TRRAP: variants seen among roughly 807,000 people sequenced by gnomAD.
TRRAP encodes the protein transformation/transcription domain associated protein, also known as transformation/transcription domain-associated protein.
In TRRAP, 41 loss-of-function variants were observed where a neutral mutation model predicts 438.8. The observed-to-expected ratio is 0.09, with a 90% CI of 0.07 to 0.12. The LOEUF (loss-of-function observed/expected upper bound fraction) is 0.12. TRRAP is among the 10% of genes least tolerant of loss of function. TRRAP has a pLI of 1.00. For synonymous variants in TRRAP, 1,994 were observed against 1,962.9 expected (o/e 1.02, Z -0.42); for missense variants, 3,122 against 5,055.1 (o/e 0.62, Z 11.60).
intron 11 of TRRAP, among the ~76,000 whole-genome samples, chr7:98,903,112 C>T (rs145289602): frequency 9.1e-4 from 138 of 152,168 alleles, no homozygotes; most frequent in Non-Finnish European, 1.5e-3. Context: ...ACCTTCTCCT[C>T]CCAGGTTCAA....
At chr7:98,922,029 T>C in intron 21 of TRRAP, 76 bp downstream of exon 21, 9 of 1,579,806 alleles carry the variant, frequency 5.7e-6, no homozygotes, top group Non-Finnish European at 7.8e-6. Context: ...AAATGTTAAT[T>C]AGACCTGTGT....
At position 98,976,834 on chromosome 7, in the gene TRRAP, A is replaced by C; in HGVS notation, c.8247+64A>C. On this transcript the variant is annotated intron_variant, in intron 55 of 72. Coordinates refer to ENST00000456197, the MANE Select transcript of TRRAP (RefSeq NM_001375524.1). This position sits in a 1 kb window ranked among gnomAD's most constrained non-coding sequence, Gnocchi z 4.6. ...GCCAGTGACTTCACACTTTAAATAA[A>C]TACTCCTCCCAAATGATTTCAAATG... 1.2e-6 allele frequency: 2 copies of C among 1,600,442 alleles called. No homozygotes were observed. Among genetic ancestry groups the C allele is most frequent in the South Asian group, 1.1e-5 (1 of 89,834 alleles).
chr7:99,011,187 C>T lies in TRRAP; in HGVS notation c.11074C>T (p.Leu3692=). 6.2e-7 allele frequency: 1 copy of T among 1,614,170 alleles called. No individual in the cohort carries two copies. Among genetic ancestry groups the T allele is most frequent in the Non-Finnish European group, 8.5e-7 (1 of 1,180,042 alleles). Residue 3692 remains leucine, a synonymous_variant, in exon 71 of 73, where the codon CTG becomes TTG. Coordinates refer to ENST00000456197, the MANE Select transcript of TRRAP (RefSeq NM_001375524.1). The surrounding 1 kb of genome is among the most constrained non-coding windows in gnomAD (Gnocchi z 7.1). ...FRKMFTIQLA[L]IGFAEFVLHL... ...GAAGATGTTCACCATCCAGCTGGCTCTGATAGGCTTCGCGGAATTCGTCCT... is the reference window on the plus strand; with the variant it reads ...GAAGATGTTCACCATCCAGCTGGCTTTGATAGGCTTCGCGGAATTCGTCCT...
chr7:98,952,237 C>G (rs782385234), intron 39 of TRRAP, among the ~76,000 whole-genome samples: 1 of 152,180 alleles, frequency 6.6e-6, no homozygotes, highest in South Asian at 2.1e-4. Context: ...TCAAAGAAGG[C>G]ACATTTTTTT....
chr7:98,889,463 C>G (rs992951264), intron 3 of TRRAP, among the ~76,000 whole-genome samples: 2 of 151,898 alleles, frequency 1.3e-5, no homozygotes, highest in Admixed American at 6.6e-5. Flanking sequence ...GGTAACTGTC[C>G]AAAGTTTCTA....
chr7:98,988,057 A>G (rs1793229017), intron 62 of TRRAP, among the ~76,000 whole-genome samples: 1 of 152,100 alleles, frequency 6.6e-6, no homozygotes, highest in Non-Finnish European at 1.5e-5. Flanking sequence ...CTTGGTCATG[A>G]TGGATAATCC....
At position 99,005,381 on chromosome 7, in the gene TRRAP, C is replaced by T; in HGVS notation, c.10753+33C>T. The T allele has an allele frequency of 6.2e-7, 1 of 1,606,440 alleles. No homozygotes were observed. The highest frequency in any genetic ancestry group is 8.5e-7 in the Non-Finnish European group (1 of 1,173,826). On this transcript the variant is annotated intron_variant, in intron 69 of 72. Coordinates refer to ENST00000456197, the MANE Select transcript of TRRAP (RefSeq NM_001375524.1). This position sits in a 1 kb window ranked among gnomAD's most constrained non-coding sequence, Gnocchi z 5.1. ...TGAGAGCCACAGCTCGCTGGGTACA[C>T]AGGCAGCTTCACAGGTGGGGATGAG...
chr7:98,988,653 G>T, intron 62 of TRRAP, 112 bp from the exon 63 acceptor site: 1 of 1,305,578 alleles, frequency 7.7e-7, no homozygotes. Flanking sequence ...GCACAACATT[G>T]TGAATGGACC....
At chr7:98,959,210 G>A (rs1791768998) in intron 44 of TRRAP, 134 bp from the exon 45 acceptor site, 9 of 1,242,612 alleles carry the variant, frequency 7.2e-6, no homozygotes, top group South Asian at 5.9e-5. Context: ...GAGGTCAGGC[G>A]GAAGAGAGGT....
intron 3 of TRRAP, among the ~76,000 whole-genome samples, chr7:98,884,206 A>G (rs1320926166): frequency 6.6e-6 from 1 of 152,172 alleles, no homozygotes; most frequent in Non-Finnish European, 1.5e-5. Flanking sequence ...TAACATTGCT[A>G]GATGTATGGT....
chr7:98,974,302 C>T (rs1419548132), intron 53 of TRRAP, among the ~76,000 whole-genome samples: 2 of 152,192 alleles, frequency 1.3e-5, no homozygotes, highest in East Asian at 3.9e-4. Flanking sequence ...TGTTCTCCTT[C>T]CTGGAGCTCC....
chr7:98,924,658 C>T (rs1299079566), intron 21 of TRRAP, among the ~76,000 whole-genome samples: 7 of 133,044 alleles, frequency 5.3e-5, no homozygotes, highest in African/African-American at 1.9e-4. Flanking sequence ...CACTGCACTC[C>T]AGCCTGGGCG....
intron 8 of TRRAP, among the ~76,000 whole-genome samples, chr7:98,898,331 G>A (rs2074730): frequency 0.7 from 107,079 of 152,094 alleles, 42,251 homozygotes; most frequent in South Asian, 0.88. Flanking sequence ...CTCATTATCT[G>A]AAAAACCTGT....
intron 21 of TRRAP, among the ~76,000 whole-genome samples, chr7:98,922,283 C>T (rs1282102528): frequency 6.6e-6 from 1 of 152,226 alleles, no homozygotes; most frequent in East Asian, 1.9e-4. Flanking sequence ...TCTTCGCAGC[C>T]ACACGCAGTG....
chr7:98,969,849 C>T (rs1350283831), intron 51 of TRRAP, among the ~76,000 whole-genome samples: 2 of 152,116 alleles, frequency 1.3e-5, no homozygotes, highest in Non-Finnish European at 2.9e-5. Flanking sequence ...GCAGGAACCG[C>T]CTAGGTGTTC....
intron 30 of TRRAP, among the ~76,000 whole-genome samples, 181 bp downstream of exon 30, chr7:98,938,001 C>T (rs1790630805): frequency 6.6e-6 from 1 of 152,038 alleles, no homozygotes; most frequent in Non-Finnish European, 1.5e-5. Flanking sequence ...ATGGTGAAAC[C>T]CCTCTCTACT....
At chr7:98,889,555 T>TA (rs11364826) in intron 3 of TRRAP, among the ~76,000 whole-genome samples, 1 of 135,316 alleles carries the variant, frequency 7.4e-6, no homozygotes, top group African/African-American at 3.2e-5. Flanking sequence ...TTTTTTTTTT[T>TA]AAAAAAAATA....
In TRRAP at chr7:98,950,082, A is replaced by G. The variant is rs782197699; in HGVS notation, c.5154A>G (p.Ile1718Met). The G allele has an allele frequency of 3.1e-6, 5 of 1,614,252 alleles. No homozygotes were observed. Among genetic ancestry groups the G allele is most frequent in the Admixed American group, 1.7e-5 (1 of 60,030 alleles). Reference sequence around the variant, plus strand: ...CCTCCAGAAGGAATTACGGAGATATAGAATTGCTGTTCCAGCTGCTCCGAG... The same window carrying G: ...CCTCCAGAAGGAATTACGGAGATATGGAATTGCTGTTCCAGCTGCTCCGAG... ...LNYCKRNYGDIELLFQLLRAF... is the reference protein window; with the variant it reads ...LNYCKRNYGDMELLFQLLRAF... Residue 1718 changes from isoleucine (I) to methionine (M), a missense_variant, in exon 38 of 73, where the codon ATA becomes ATG. This residue lies in a region of TRRAP where 272 missense variants were observed against 348.5 expected (regional missense o/e 0.78). Coordinates refer to ENST00000456197, the MANE Select transcript of TRRAP (RefSeq NM_001375524.1).
chr7:98,904,631 A>G (rs954994318), intron 12 of TRRAP, among the ~76,000 whole-genome samples: 2 of 152,154 alleles, frequency 1.3e-5, no homozygotes, highest in African/African-American at 4.8e-5. Flanking sequence ...TGGCTTCCCA[A>G]GCTGCTGCCC....
Sources: gnomAD v4.1 joint callset for allele counts (sites outside exome capture counted in the v4.1 genomes callset) on GRCh38, gnomAD v4.1.1 for gene constraint, gnomAD v4.1.1 regional missense constraint, Gnocchi (gnomAD v3.1) non-coding constraint, MANE v1.5 for transcripts, NCBI Gene and HGNC (gene_info 2026-07-23, HGNC 2026-07-21) for gene names.